The following OPCML variants were observed in gnomAD, a reference collection of about 807,000 sequenced individuals.
OPCML encodes the protein opioid binding protein/cell adhesion molecule like.
OPCML carries 13 observed loss-of-function variants against 37.8 expected under a neutral mutation model. The ratio of observed to expected loss-of-function variants is 0.34; its 90% CI spans 0.22 to 0.55. The LOEUF (loss-of-function observed/expected upper bound fraction) is 0.55. Among genes scored for constraint, OPCML ranks in the 20% least tolerant of loss-of-function variants. OPCML has a pLI of 0.91. For missense variants in OPCML, 341 were observed against 435.6 expected, an observed-to-expected ratio of 0.78 and a Z score of 1.93; for synonymous variants, 176 against 168.8, an observed-to-expected ratio of 1.04 and a Z score of -0.33.
chr11:132,622,944 G>T (rs1939510277), intron 3 of OPCML, among the ~76,000 whole-genome samples: 1 of 152,092 alleles, frequency 6.6e-6, no homozygotes, highest in Admixed American at 6.5e-5. Flanking sequence ...GTATCTCTTT[G>T]ACCCTCAACT....
intron 2 of OPCML, among the ~76,000 whole-genome samples, chr11:132,890,869 A>AAAAC: frequency 6.7e-6 from 1 of 150,266 alleles, no homozygotes; most frequent in South Asian, 2.1e-4. Flanking sequence ...AAAAAAAAAA[A>AAAAC]AAAAGAAAAA....
intron 1 of OPCML, among the ~76,000 whole-genome samples, chr11:133,483,277 T>C (rs1764496546): frequency 6.8e-6 from 1 of 147,536 alleles, no homozygotes; most frequent in Non-Finnish European, 1.5e-5. Flanking sequence ...CATAGCATTG[T>C]AGTTGGAAAT....
At chr11:133,382,526 A>G (rs1944952057) in intron 1 of OPCML, among the ~76,000 whole-genome samples, 3 of 152,146 alleles carry the variant, frequency 2.0e-5, no homozygotes, top group African/African-American at 7.2e-5. Flanking sequence ...ACACCCCCAC[A>G]TCACTGCCCA....
chr11:132,774,370 A>G (rs78059185), intron 2 of OPCML, among the ~76,000 whole-genome samples: 2,212 of 152,322 alleles, frequency 0.015, 22 homozygotes, highest in Middle Eastern at 0.034. Context: ...ACTTCCCCAG[A>G]TACCCTACAT....
intron 1 of OPCML, among the ~76,000 whole-genome samples, chr11:133,483,627 G>T (rs186031409): frequency 6.6e-6 from 1 of 151,084 alleles, no homozygotes; most frequent in Non-Finnish European, 1.5e-5. Flanking sequence ...TAGATAAATA[G>T]ATATATAGAT....
chr11:132,917,826 T>G (rs529792768), intron 2 of OPCML, among the ~76,000 whole-genome samples: 1 of 152,156 alleles, frequency 6.6e-6, no homozygotes. Context: ...ATTAATGTAA[T>G]TGGAGGGCCT....
At chr11:133,165,650 G>A (rs911731139) in intron 1 of OPCML, among the ~76,000 whole-genome samples, 11 of 152,182 alleles carry the variant, frequency 7.2e-5, no homozygotes. Flanking sequence ...GGTGGAGGCT[G>A]TGCCCTCAGC....
chr11:132,696,889 T>C (rs1015551707), intron 2 of OPCML, among the ~76,000 whole-genome samples: 2 of 152,124 alleles, frequency 1.3e-5, no homozygotes, highest in Non-Finnish European at 2.9e-5. Context: ...ATAGGCTGAA[T>C]ACCAAACAGG....
At chr11:132,978,302 G>A (rs1946508254) in intron 1 of OPCML, among the ~76,000 whole-genome samples, 3 of 152,150 alleles carry the variant, frequency 2.0e-5, no homozygotes, top group African/African-American at 4.8e-5. Context: ...AAGTCACATG[G>A]GTTTTTAAGA....
chr11:132,631,305 AAAATAAT>A (rs1940090956), intron 3 of OPCML, among the ~76,000 whole-genome samples: 1 of 150,240 alleles, frequency 6.7e-6, no homozygotes, highest in South Asian at 2.1e-4. Flanking sequence ...TTATCTCAGT[AAAATAAT>A]AAATACTTAA....
At chr11:132,558,974 T>C (rs1034278238) in intron 3 of OPCML, among the ~76,000 whole-genome samples, 2 of 152,126 alleles carry the variant, frequency 1.3e-5, no homozygotes, top group African/African-American at 4.8e-5. Flanking sequence ...AAGCGCTCAA[T>C]TAATATTTTC....
intron 4 of OPCML, among the ~76,000 whole-genome samples, chr11:132,459,441 A>G (rs2096093285): frequency 6.7e-6 from 1 of 149,514 alleles, no homozygotes; most frequent in Non-Finnish European, 1.5e-5. Context: ...ACATACATAC[A>G]TACATACATA....
intron 1 of OPCML, among the ~76,000 whole-genome samples, chr11:133,158,708 TTAAAA>T (rs1446364397): frequency 3.7e-5 from 4 of 109,022 alleles, no homozygotes; most frequent in African/African-American, 1.5e-4. Context: ...AAAAATAAAA[TTAAAA>T]AAATAAAATA....
chr11:133,260,367 C>T (rs1393527673), intron 1 of OPCML, among the ~76,000 whole-genome samples: 1 of 152,042 alleles, frequency 6.6e-6, no homozygotes, highest in Non-Finnish European at 1.5e-5. Flanking sequence ...TGTGTTGAGA[C>T]CTGACTAAAG....
At chr11:132,929,272 A>C (rs1945110098) in intron 2 of OPCML, among the ~76,000 whole-genome samples, 1 of 152,104 alleles carries the variant, frequency 6.6e-6, no homozygotes, top group African/African-American at 2.4e-5. Context: ...GGTATAACTA[A>C]ATTTATAGAA....
intron 1 of OPCML, among the ~76,000 whole-genome samples, chr11:133,499,826 ATATATATGTG>A (rs1457173616): frequency 7.1e-6 from 1 of 140,000 alleles, no homozygotes; most frequent in East Asian, 2.0e-4. Context: ...ATATACACAC[ATATATATGTG>A]TATGTATATA....
intron 1 of OPCML, among the ~76,000 whole-genome samples, chr11:132,949,761 A>T (rs536818578): frequency 1.5e-4 from 23 of 152,354 alleles, no homozygotes; most frequent in African/African-American, 4.6e-4. Flanking sequence ...GGGACTGAAG[A>T]TGCAGTCATT....
intron 1 of OPCML, among the ~76,000 whole-genome samples, chr11:133,409,830 T>C (rs541398040): frequency 5.9e-5 from 9 of 152,242 alleles, no homozygotes; most frequent in Admixed American, 5.9e-4. Context: ...TCTTTGTTCT[T>C]ATGGATCCTG....
intron 1 of OPCML, among the ~76,000 whole-genome samples, chr11:133,076,157 T>C (rs1386887430): frequency 6.6e-6 from 1 of 152,170 alleles, no homozygotes; most frequent in African/African-American, 2.4e-5. Context: ...GGTGGTGGGA[T>C]ATGTATTATT....
Sources: gnomAD v4.1 joint callset for allele counts (sites outside exome capture counted in the v4.1 genomes callset) on GRCh38, gnomAD v4.1.1 for gene constraint, MANE v1.5 for transcripts, NCBI Gene and HGNC (gene_info 2026-07-23, HGNC 2026-07-21) for gene names.